The following ALOX15 variants were observed in gnomAD, a reference collection of about 807,000 sequenced individuals.
ALOX15 encodes the protein polyunsaturated fatty acid lipoxygenase ALOX15.
In ALOX15, 68 loss-of-function variants were observed where a neutral mutation model predicts 71.7. That is an observed-to-expected ratio of 0.95 (90% confidence interval 0.78 to 1.16). ALOX15 has a LOEUF of 1.16. Among genes scored for constraint, ALOX15 ranks in the 50% most tolerant of loss-of-function variants. The pLI is 0.00. For missense variants in ALOX15, 798 were observed against 818.8 expected (o/e 0.97, Z 0.31); for synonymous variants, 346 against 333.3 (o/e 1.04, Z -0.42).
At position 4,632,281 on chromosome 17, in the gene ALOX15, C is replaced by T. The variant is rs773687745; in HGVS notation, c.1541G>A (p.Gly514Glu). The change falls in exon 12 of 14, where the codon GGG becomes GAG. Residue 514 changes from glycine to glutamate, a missense_variant and splice_region_variant. This residue lies in a region of ALOX15 where 490 missense variants were observed against 509.4 expected (regional missense o/e 0.96). Transcript: ENST00000293761. ...EIGLQGAQDRGFPVSLQARDQ... is the reference protein window; with the variant it reads ...EIGLQGAQDREFPVSLQARDQ... ...CCGAGCCTGTAAAGAGACAGGAAAC[C>T]CTGCAAGGGGTGAAGAGAGTTAGAA... 6 of 1,613,638 alleles carry T rather than the reference C, an allele frequency of 3.7e-6. No individual in the cohort carries two copies. The African/African-American group carries it at 5.3e-5, about 14-fold the overall frequency.
chr17:4,641,454 C>G (rs1457770642), intron 1 of ALOX15, 63 bp downstream of exon 1: 18 of 1,571,200 alleles, frequency 1.1e-5, no homozygotes, highest in Non-Finnish European at 1.4e-5. Flanking sequence ...CATGTCCTCC[C>G]CGGTATTTGA....
In ALOX15 at chr17:4,631,490, G is replaced by C. The variant is rs760691070; in HGVS notation, c.*110C>G. On this transcript the variant is annotated 3_prime_UTR_variant, in exon 14 of 14. Transcript: ENST00000293761. ...CCATGAAAAGGTGCCCCTCTAGGGA[G>C]GGTGGGACATGGGAAGAGGGTGGGA... The C allele has an allele frequency of 6.6e-6, 9 of 1,356,210 alleles. No homozygotes were observed. Among genetic ancestry groups the C allele is most frequent in the Non-Finnish European group, 9.0e-6 (9 of 996,976 alleles). 84.0% of individuals were successfully genotyped at this position (1,356,210 alleles called of 1,614,324 possible). A position where few individuals can be genotyped will look rare whatever the true frequency, so the allele number is the denominator to read the frequency against.
chr17:4,633,918 A>T (rs1301307965), intron 8 of ALOX15, among the ~76,000 whole-genome samples: 3 of 152,198 alleles, frequency 2.0e-5, no homozygotes, highest in Admixed American at 1.3e-4. Flanking sequence ...TCCTAAGTGC[A>T]CTAACACTGG....
chr17:4,635,885 G>A lies in ALOX15; in HGVS notation c.1035C>T (p.Cys345=), dbSNP rs201380740. Residue 345 remains cysteine, a synonymous_variant, in exon 8 of 14, where the codon TGC becomes TGT. Transcript: ENST00000293761. ...DPPMAWLLAK[C]WVRSSDFQLH... Reference sequence around the variant, plus strand: ...GCTGGAAGTCAGAGCTGCGCACCCAGCATTTGGCCAGAAGCCAGGCCATTG... The same window carrying A: ...GCTGGAAGTCAGAGCTGCGCACCCAACATTTGGCCAGAAGCCAGGCCATTG... 1.2e-6 allele frequency: 2 copies of A among 1,614,148 alleles called. No individual in the cohort carries two copies. Among genetic ancestry groups the A allele is most frequent in the Non-Finnish European group, 1.7e-6 (2 of 1,180,058 alleles).
chr17:4,641,482 G>A (rs919222232), intron 1 of ALOX15, 35 bp downstream of exon 1: 13 of 1,601,344 alleles, frequency 8.1e-6, no homozygotes, highest in East Asian at 2.2e-5. Flanking sequence ...GGAGCCAGGG[G>A]CGCAGCCCAC....
In ALOX15 at chr17:4,633,288, C is replaced by G; in HGVS notation, c.1276G>C (p.Val426Leu). 1 of 1,614,036 alleles carries G rather than the reference C, an allele frequency of 6.2e-7. No homozygotes were observed. Among genetic ancestry groups the G allele is most frequent in the Non-Finnish European group, 8.5e-7 (1 of 1,179,962 alleles). Residue 426 changes from valine to leucine, a missense_variant, in exon 10 of 14, where the codon GTG (valine) becomes CTG (leucine). By Grantham distance (32) the Val-to-Leu change is conservative. Transcript: ENST00000293761. Reference protein sequence around the residue: ...QIMSTGGGGHVQLLKQAGAFL... With the variant: ...QIMSTGGGGHLQLLKQAGAFL... ...GCTCCAGCTTGCTTGAGCAGCTGCA[C>G]GTGGCCTCCCCCACCAGTGCTCATT... is the stretch of plus-strand genomic sequence containing the variant.
At position 4,631,753 on chromosome 17, in the gene ALOX15, C is replaced by A; in HGVS notation, c.1836G>T (p.Glu612Asp). The change falls in exon 14 of 14, where the codon GAG (glutamate) becomes GAT (aspartate). Residue 612 changes from glutamate (E) to aspartate (D), a missense_variant. This residue lies in a region of ALOX15 where 490 missense variants were observed against 509.4 expected (regional missense o/e 0.96). Coordinates refer to ENST00000293761, the MANE Select transcript of ALOX15 (RefSeq NM_001140.5). ...CCTTAGGCTCAGGGCCCGAAAAATA[C>A]TCCTCCTCATGCTGGCCCACAGCCA... is the stretch of plus-strand genomic sequence containing the variant. ...VMVAVGQHEEEYFSGPEPKAV... is the reference protein window; with the variant it reads ...VMVAVGQHEEDYFSGPEPKAV... The A allele has an allele frequency of 6.2e-7, 1 of 1,613,982 alleles. No individual in the cohort carries two copies. Among genetic ancestry groups the A allele is most frequent in the East Asian group, 2.2e-5 (1 of 44,884 alleles).
chr17:4,638,757 C>A, intron 4 of ALOX15, 73 bp from the exon 5 acceptor site: 1 of 1,613,074 alleles, frequency 6.2e-7, no homozygotes, highest in East Asian at 2.2e-5. Context: ...AGGCACCGAT[C>A]CTGGGCCAGT....
chr17:4,633,525 GCAGAGT>G lies in ALOX15; in HGVS notation c.1162-31_1162-26del, dbSNP rs1253080292. 1.3e-5 allele frequency: 21 copies of G among 1,594,546 alleles called. No homozygotes were observed. The Admixed American group carries it at 3.5e-4, about 27-fold the overall frequency. Reference sequence around the variant, plus strand: ...GCTAGAGGGAGAAACACAGGGAAGGGCAGAGTCAGAGGAGAGCTGCAAGATCCCTGC... The same window carrying G: ...GCTAGAGGGAGAAACACAGGGAAGGGCAGAGGAGAGCTGCAAGATCCCTGC... On this transcript the variant is annotated intron_variant, in intron 8 of 13. Transcript: ENST00000293761.
At chr17:4,632,343 G>A in intron 11 of ALOX15, 62 bp from the exon 12 acceptor site, 1 of 1,324,652 alleles carries the variant, frequency 7.5e-7, no homozygotes, top group Non-Finnish European at 1.1e-6. Flanking sequence ...CTCAGAGGAA[G>A]AGGCCAAGAG....
intron 1 of ALOX15, 24 bp from the exon 2 acceptor site, chr17:4,639,655 G>A: frequency 1.3e-6 from 2 of 1,591,058 alleles, no homozygotes; most frequent in Non-Finnish European, 1.7e-6. Context: ...AAGAGGCTCA[G>A]CCCCGGTGGG....
chr17:4,635,479 T>A lies in ALOX15; in HGVS notation c.1161+280A>T, dbSNP rs142543954. ...CTGGAAAAGATCTTTTTAACGTTAT[T>A]TCACGGGTTCCTCTTGTTGGATGGA... On this transcript the variant is annotated intron_variant, in intron 8 of 13. Transcript: ENST00000293761. 1.2e-3 allele frequency among the ~76,000 whole-genome samples: 187 copies of A among 152,248 alleles called. 2 individuals carry two copies. In the East Asian group the frequency reaches 0.019, roughly 16 times the overall value.
intron 1 of ALOX15, chr17:4,639,986 AC>A: frequency 1.1e-5 from 1 of 94,108 alleles, no homozygotes; most frequent in Non-Finnish European, 1.8e-5. Context: ...CCCCCACCCC[AC>A]CCCGCCCGAG....
chr17:4,641,401 C>T, intron 1 of ALOX15, 116 bp downstream of exon 1: 4 of 1,460,352 alleles, frequency 2.7e-6, no homozygotes, highest in East Asian at 2.3e-5. Context: ...GCCCAATGCG[C>T]GGGCCCTTGG....
intron 13 of ALOX15, 25 bp downstream of exon 13, chr17:4,631,864 A>T (rs369888028): frequency 1.0e-5 from 16 of 1,607,472 alleles, no homozygotes; most frequent in Non-Finnish European, 1.4e-5. Context: ...CTCCTTCCTT[A>T]GGGCCCTGGG....
chr17:4,631,700 A>G lies in ALOX15; in HGVS notation c.1889T>C (p.Leu630Pro). ...KAVLKKFREE[L>P]AALDKEIEIR... The stretch of plus-strand genomic sequence containing the variant: ...CTCAATTTCCTTATCCAGGGCAGCC[A>G]GCTCCTCCCTGAACTTCTTCAGCAC... Residue 630 changes from leucine (L) to proline (P), a missense_variant, in exon 14 of 14, where the codon CTG (leucine) becomes CCG (proline). This residue lies in a region of ALOX15 where 490 missense variants were observed against 509.4 expected (regional missense o/e 0.96). Coordinates refer to ENST00000293761, the MANE Select transcript of ALOX15 (RefSeq NM_001140.5). The G allele has an allele frequency of 1.2e-6, 2 of 1,614,208 alleles. No homozygotes were observed. Among genetic ancestry groups the G allele is most frequent in the Middle Eastern group, 1.7e-4 (1 of 6,060 alleles).
At position 4,631,568 on chromosome 17, in the gene ALOX15, TGGG is replaced by T. The variant is rs1567645903; in HGVS notation, c.*29_*31del. The T allele has an allele frequency of 6.2e-7, 1 of 1,609,070 alleles. No individual in the cohort carries two copies. Among genetic ancestry groups the T allele is most frequent in the Admixed American group, 1.7e-5 (1 of 59,932 alleles). ...AGGGGTCAGCTTGTGGCTTGGGTGA[TGGG>T]GGCTGAAATAACCAAAGGGTGGCGA... On this transcript the variant is annotated 3_prime_UTR_variant, in exon 14 of 14. Coordinates refer to ENST00000293761, the MANE Select transcript of ALOX15 (RefSeq NM_001140.5).
At position 4,639,305 on chromosome 17, in the gene ALOX15, A is replaced by AC. The variant is rs1191121811; in HGVS notation, c.337+124dup. ...CAGCTGCAGCCACCGCCCCTTCGAC[A>AC]CCCCCAAAGACCCCGGCGCTCCAGG... On this transcript the variant is annotated intron_variant, in intron 2 of 13. Coordinates refer to ENST00000293761, the MANE Select transcript of ALOX15 (RefSeq NM_001140.5). 28 of 1,330,388 alleles carry AC rather than the reference A, an allele frequency of 2.1e-5. No individual in the cohort carries two copies. The African/African-American group carries it at 3.8e-4, about 18-fold the overall frequency. 82.4% of individuals were successfully genotyped at this position (1,330,388 alleles called of 1,614,324 possible). A position where few individuals can be genotyped will look rare whatever the true frequency, so the allele number is the denominator to read the frequency against.
At position 4,631,696 on chromosome 17, in the gene ALOX15, A is replaced by T; in HGVS notation, c.1893T>A (p.Ala631=). 6.2e-7 allele frequency: 1 copy of T among 1,614,240 alleles called. No individual in the cohort carries two copies. The change falls in exon 14 of 14, where the codon GCT becomes GCA. Residue 631 remains alanine (A), a synonymous_variant. Coordinates refer to ENST00000293761, the MANE Select transcript of ALOX15 (RefSeq NM_001140.5). ...AVLKKFREEL[A]ALDKEIEIRN... is the part of the protein sequence containing the mutation. The stretch of plus-strand genomic sequence containing the variant: ...GGATCTCAATTTCCTTATCCAGGGC[A>T]GCCAGCTCCTCCCTGAACTTCTTCA...
Sources: allele counts gnomAD v4.1 joint callset (sites outside exome capture counted in the v4.1 genomes callset), GRCh38; gene constraint gnomAD v4.1.1; regional missense constraint gnomAD v4.1.1; transcripts MANE v1.5; gene names NCBI Gene and HGNC (gene_info 2026-07-23, HGNC 2026-07-21).